Variants in GPC5 observed in about 807,000 individuals in gnomAD.
The protein encoded by GPC5 is glypican-5.
GPC5 carries 47 observed loss-of-function variants against 53.9 expected under a neutral mutation model. That is an observed-to-expected ratio of 0.87 (90% confidence interval 0.69 to 1.11). The LOEUF is 1.11. Ranked by LOEUF, GPC5 falls within the 50% of genes most tolerant of loss-of-function variation. The pLI is 0.00. For synonymous variants in GPC5, 286 were observed against 263.3 expected, an observed-to-expected ratio of 1.09 and a Z score of -0.84; for missense variants, 748 against 713.1, an observed-to-expected ratio of 1.05 and a Z score of -0.56.
At chr13:92,802,039 G>C (rs1267638383) in intron 7 of GPC5, among the ~76,000 whole-genome samples, 1 of 151,658 alleles carries the variant, frequency 6.6e-6, no homozygotes, top group South Asian at 2.1e-4. Flanking sequence ...AATGTCCTAG[G>C]CTTTCACATT....
At chr13:91,711,921 A>G (rs972180331) in intron 3 of GPC5, among the ~76,000 whole-genome samples, 3 of 152,190 alleles carry the variant, frequency 2.0e-5, no homozygotes, top group African/African-American at 7.2e-5. Flanking sequence ...TCATCCTCAG[A>G]TGGGTCCCCC....
intron 7 of GPC5, among the ~76,000 whole-genome samples, chr13:92,303,094 TC>T (rs35422018): frequency 2.0e-5 from 3 of 152,166 alleles, no homozygotes; most frequent in Non-Finnish European, 2.9e-5. Context: ...ATTGTTTTTT[TC>T]CCCCCTATGG....
chr13:91,920,519 A>C lies in GPC5; in HGVS notation c.1401+12462A>C, dbSNP rs150733371. ...TCATTTTCAGAAATGAAGAGTCATG[A>C]CTCCCTACTGAATCCACAGTGACCA... On this transcript the variant is annotated intron_variant, in intron 6 of 7. Coordinates refer to ENST00000377067, the MANE Select transcript of GPC5 (RefSeq NM_004466.6). Among the ~76,000 whole-genome samples the C allele has an allele frequency of 3.1e-3, 468 of 152,264 alleles. 4 individuals are homozygous for C. Among genetic ancestry groups the C allele is most frequent in the African/African-American group, 0.011 (445 of 41,544 alleles).
At chr13:91,556,137 C>T (rs995628030) in intron 2 of GPC5, among the ~76,000 whole-genome samples, 1 of 151,994 alleles carries the variant, frequency 6.6e-6, no homozygotes, top group African/African-American at 2.4e-5. Context: ...ATTATTTTCT[C>T]ATTTCAAGAA....
At chr13:92,730,815 T>G (rs1888781438) in intron 7 of GPC5, among the ~76,000 whole-genome samples, 1 of 151,424 alleles carries the variant, frequency 6.6e-6, no homozygotes, top group Admixed American at 6.6e-5. Flanking sequence ...GGAATAGAAC[T>G]GAAACGTTCA....
chr13:92,779,413 C>T (rs1360447996), intron 7 of GPC5, among the ~76,000 whole-genome samples: 8 of 151,494 alleles, frequency 5.3e-5, no homozygotes, highest in Non-Finnish European at 1.0e-4. Flanking sequence ...ATATTTTGGT[C>T]GGAATAAAGC....
intron 7 of GPC5, among the ~76,000 whole-genome samples, chr13:92,547,235 AAG>A (rs1000097774): frequency 5.9e-5 from 9 of 152,216 alleles, no homozygotes; most frequent in Admixed American, 2.6e-4. Context: ...CTTTTTAAAA[AAG>A]AGAATTGAAA....
chr13:91,534,219 C>G (rs889152687), intron 2 of GPC5, among the ~76,000 whole-genome samples: 12 of 151,724 alleles, frequency 7.9e-5, no homozygotes, highest in African/African-American at 2.9e-4. Context: ...CATATTCTCC[C>G]CTTTATTCTC....
chr13:92,307,360 A>G (rs1348279672), intron 7 of GPC5, among the ~76,000 whole-genome samples: 1 of 152,192 alleles, frequency 6.6e-6, no homozygotes, highest in Non-Finnish European at 1.5e-5. Flanking sequence ...AGGCTGAGGC[A>G]GGAGATTCGC....
At chr13:92,676,667 G>C (rs774912682) in intron 7 of GPC5, among the ~76,000 whole-genome samples, 16 of 152,198 alleles carry the variant, frequency 1.1e-4, no homozygotes, top group Non-Finnish European at 1.9e-4. Context: ...GCATTCCACA[G>C]ACCGACATTG....
chr13:91,575,631 A>G (rs1017840590), intron 2 of GPC5, among the ~76,000 whole-genome samples: 2 of 152,092 alleles, frequency 1.3e-5, no homozygotes. Flanking sequence ...CGTTTAATTC[A>G]ATAGCCTGCA....
At chr13:92,464,746 A>G (rs1258754657) in intron 7 of GPC5, among the ~76,000 whole-genome samples, 1 of 151,994 alleles carries the variant, frequency 6.6e-6, no homozygotes, top group Admixed American at 6.6e-5. Context: ...AAAGCATGTA[A>G]TTATATAGCA....
At chr13:92,317,450 T>C (rs188603570) in intron 7 of GPC5, among the ~76,000 whole-genome samples, 271 of 152,176 alleles carry the variant, frequency 1.8e-3, no homozygotes, top group African/African-American at 6.1e-3. Flanking sequence ...CTTCATGTGT[T>C]CTTGTTTTTA....
chr13:92,409,120 G>A (rs1717382989), intron 7 of GPC5, among the ~76,000 whole-genome samples: 1 of 146,396 alleles, frequency 6.8e-6, no homozygotes, highest in Admixed American at 6.7e-5. Flanking sequence ...TTCAGATTAA[G>A]TCAAGAGCTA....
chr13:91,677,039 A>G (rs1300872239), intron 2 of GPC5, among the ~76,000 whole-genome samples: 1 of 152,224 alleles, frequency 6.6e-6, no homozygotes, highest in African/African-American at 2.4e-5. Context: ...TAGAAAAGCA[A>G]AATGAAGTGC....
intron 6 of GPC5, among the ~76,000 whole-genome samples, chr13:91,916,982 C>T (rs1389709162): frequency 6.6e-6 from 1 of 152,204 alleles, no homozygotes; most frequent in African/African-American, 2.4e-5. Context: ...TCTTCCAAAT[C>T]TCAAGTCCTC....
chr13:91,683,614 C>G (rs896256054), intron 2 of GPC5, among the ~76,000 whole-genome samples: 3 of 152,150 alleles, frequency 2.0e-5, no homozygotes, highest in African/African-American at 7.2e-5. Flanking sequence ...CATTTTATTA[C>G]CTGACTCTTT....
chr13:92,300,187 C>T (rs2043065950), intron 7 of GPC5, among the ~76,000 whole-genome samples: 1 of 152,114 alleles, frequency 6.6e-6, no homozygotes, highest in Admixed American at 6.5e-5. Flanking sequence ...GGAATGTTGT[C>T]GTGAGGGTAA....
intron 7 of GPC5, among the ~76,000 whole-genome samples, chr13:92,434,649 C>G (rs1594199718): frequency 1.3e-5 from 2 of 152,036 alleles, no homozygotes; most frequent in Non-Finnish European, 1.5e-5. Flanking sequence ...AAAGAAATAT[C>G]TTGAAGGTAA....
Sources: gnomAD v4.1 joint callset for allele counts (sites outside exome capture counted in the v4.1 genomes callset) on GRCh38, gnomAD v4.1.1 for gene constraint, MANE v1.5 for transcripts, NCBI Gene and HGNC (gene_info 2026-07-23, HGNC 2026-07-21) for gene names.